CDH13: variants seen among roughly 807,000 people sequenced by gnomAD.
CDH13 encodes cadherin-13.
In CDH13, 24 loss-of-function variants were observed where a neutral mutation model predicts 63.8. The ratio of observed to expected loss-of-function variants is 0.38; its 90% CI spans 0.27 to 0.53. CDH13 has a LOEUF of 0.53. CDH13 is among the 20% of genes least tolerant of loss of function. CDH13 has a pLI of 0.85. For synonymous variants in CDH13, 503 were observed against 355.3 expected (o/e 1.42, Z -4.67); for missense variants, 1,049 against 903.1 (o/e 1.16, Z -2.07).
intron 10 of CDH13, among the ~76,000 whole-genome samples, chr16:83,681,324 C>T (rs1915386330): frequency 6.6e-6 from 1 of 152,184 alleles, no homozygotes; most frequent in Non-Finnish European, 1.5e-5. Context: ...TGCAGCTGGT[C>T]TAAGAGTTCT....
chr16:82,771,017 A>G (rs1421622065), intron 1 of CDH13, among the ~76,000 whole-genome samples: 3 of 152,202 alleles, frequency 2.0e-5, no homozygotes, highest in Non-Finnish European at 4.4e-5. Flanking sequence ...ACCTGGCCCA[A>G]TAGTTCCAAT....
At chr16:83,260,372 G>C (rs754162838) in intron 5 of CDH13, among the ~76,000 whole-genome samples, 38 of 152,270 alleles carry the variant, frequency 2.5e-4, no homozygotes, top group Admixed American at 2.1e-3. Flanking sequence ...GTGGGGCTAG[G>C]TGTCCAGTGT....
chr16:82,806,819 G>C (rs1042531815), intron 1 of CDH13, among the ~76,000 whole-genome samples: 10 of 152,140 alleles, frequency 6.6e-5, no homozygotes, highest in African/African-American at 2.4e-4. Flanking sequence ...AGAGAAACAA[G>C]GCTTTCATTC....
chr16:83,083,948 A>G (rs376824362), intron 3 of CDH13, among the ~76,000 whole-genome samples: 1 of 152,160 alleles, frequency 6.6e-6, no homozygotes, highest in Non-Finnish European at 1.5e-5. Context: ...CTCGTTAATA[A>G]CCCTTTACCA....
intron 4 of CDH13, among the ~76,000 whole-genome samples, chr16:83,206,062 T>A (rs1475353698): frequency 6.6e-6 from 1 of 152,078 alleles, no homozygotes; most frequent in East Asian, 1.9e-4. Flanking sequence ...GGTGGCCTGG[T>A]GTGCTTTGGG....
At chr16:82,884,909 C>G (rs919683884) in intron 2 of CDH13, among the ~76,000 whole-genome samples, 2 of 152,194 alleles carry the variant, frequency 1.3e-5, no homozygotes, top group Non-Finnish European at 2.9e-5. Flanking sequence ...TATTTTCTAG[C>G]CAGCTACAGC....
chr16:82,647,684 C>T lies in CDH13; in HGVS notation c.45+20547C>T, dbSNP rs566623442. On this transcript the variant is annotated intron_variant, in intron 1 of 13. Transcript: ENST00000567109. ...CACTGATTTTGAGACTACTGGACTACTCCAGCCTCAGAGAAAGCAGTCAGT... is the reference window on the plus strand; with the variant it reads ...CACTGATTTTGAGACTACTGGACTATTCCAGCCTCAGAGAAAGCAGTCAGT... Among the ~76,000 whole-genome samples the T allele has an allele frequency of 6.6e-5, 10 of 152,306 alleles. No individual in the cohort carries two copies. In the South Asian group the frequency reaches 2.1e-3, roughly 32 times the overall value.
intron 1 of CDH13, among the ~76,000 whole-genome samples, chr16:82,745,146 C>G (rs554851622): frequency 2.4e-4 from 36 of 152,222 alleles, no homozygotes; most frequent in Middle Eastern, 3.4e-3. Context: ...CTCTGGGAAA[C>G]AAAAGAATAC....
intron 5 of CDH13, among the ~76,000 whole-genome samples, chr16:83,267,408 G>A (rs531731037): frequency 6.6e-6 from 1 of 152,154 alleles, no homozygotes; most frequent in East Asian, 1.9e-4. Flanking sequence ...CAGGCACATC[G>A]GCTTATAGGA....
At chr16:83,479,652 G>A (rs71402086) in intron 6 of CDH13, among the ~76,000 whole-genome samples, 17,278 of 40,794 alleles carry the variant, frequency 0.42, 1,075 homozygotes, top group South Asian at 0.45. Flanking sequence ...GTGAGACTCC[G>A]TCTCCAAAAA....
chr16:83,154,948 A>C (rs1224068543), intron 4 of CDH13, among the ~76,000 whole-genome samples: 3 of 152,216 alleles, frequency 2.0e-5, no homozygotes, highest in African/African-American at 7.2e-5. Flanking sequence ...CTGCCAATTA[A>C]AATTTTATGG....
Position 82,708,935 on chromosome 16 carries a change from G to A in CDH13, c.45+81798G>A, listed in dbSNP as rs577394698. Among the ~76,000 whole-genome samples the A allele has an allele frequency of 2.0e-5, 3 of 152,264 alleles. No homozygotes were observed. In the South Asian group the frequency reaches 6.2e-4, roughly 32 times the overall value. Reference sequence around the variant, plus strand: ...TGTTTCTCAGTCTTTTATACATTTGGCAACCGTGAATCTATTCTTTAGAAC... The same window carrying A: ...TGTTTCTCAGTCTTTTATACATTTGACAACCGTGAATCTATTCTTTAGAAC... On this transcript the variant is annotated intron_variant, in intron 1 of 13. Transcript: ENST00000567109.
intron 6 of CDH13, among the ~76,000 whole-genome samples, chr16:83,364,318 C>T (rs1331011766): frequency 6.6e-6 from 1 of 152,160 alleles, no homozygotes; most frequent in Non-Finnish European, 1.5e-5. Flanking sequence ...CCTCACTTTC[C>T]TGTTGACTAG....
chr16:82,822,085 T>C (rs1171761388), intron 1 of CDH13, among the ~76,000 whole-genome samples: 3 of 152,190 alleles, frequency 2.0e-5, no homozygotes, highest in Non-Finnish European at 4.4e-5. Flanking sequence ...AATTAACTTA[T>C]TTGACCTCGA....
rs145550840 is a variant in CDH13, at chr16:82,708,551, A to T, written c.45+81414A>T. Among the ~76,000 whole-genome samples the T allele has an allele frequency of 1.9e-3, 287 of 152,258 alleles. 1 individual carries two copies. The highest frequency in any genetic ancestry group is 6.5e-3 in the African/African-American group (271 of 41,544). ...GATGTCCTATCTTGGATCTGGCCCC[A>T]GATAGTATCCTCTACTTTCTTGACC... On this transcript the variant is annotated intron_variant, in intron 1 of 13. Coordinates refer to ENST00000567109, the MANE Select transcript of CDH13 (RefSeq NM_001257.5).
At chr16:83,738,534 C>T (rs1368537993) in intron 10 of CDH13, among the ~76,000 whole-genome samples, 3 of 152,180 alleles carry the variant, frequency 2.0e-5, no homozygotes, top group Non-Finnish European at 4.4e-5. Flanking sequence ...TGGAGCCACC[C>T]CCTACCACTG....
intron 1 of CDH13, among the ~76,000 whole-genome samples, chr16:82,791,606 T>A (rs2036308406): frequency 6.6e-6 from 1 of 152,184 alleles, no homozygotes; most frequent in Admixed American, 6.5e-5. Flanking sequence ...CATCCACCAC[T>A]GTTGTTTGCT....
At chr16:82,843,459 A>G (rs1187028315) in intron 1 of CDH13, among the ~76,000 whole-genome samples, 4 of 152,220 alleles carry the variant, frequency 2.6e-5, no homozygotes, top group Non-Finnish European at 5.9e-5. Flanking sequence ...ACTCCGACCC[A>G]GGGGAAGATA....
chr16:82,804,820 A>G (rs1026961096), intron 1 of CDH13, among the ~76,000 whole-genome samples: 5 of 152,242 alleles, frequency 3.3e-5, no homozygotes, highest in Non-Finnish European at 5.9e-5. Flanking sequence ...AGAGCTGTAT[A>G]TAAATTGTAA....
Sources: allele counts gnomAD v4.1 joint callset (sites outside exome capture counted in the v4.1 genomes callset), GRCh38; gene constraint gnomAD v4.1.1; transcripts MANE v1.5; gene names NCBI Gene and HGNC (gene_info 2026-07-23, HGNC 2026-07-21).